The following RGPD4 variants were observed in gnomAD, a reference collection of about 807,000 sequenced individuals.
RGPD4 encodes the protein ranBP2-like and GRIP domain-containing protein 4.
In RGPD4, 84 loss-of-function variants were observed where a neutral mutation model predicts 141.1. That is an observed-to-expected ratio of 0.60 (90% confidence interval 0.50 to 0.71). RGPD4 has a LOEUF of 0.71. Ranked by LOEUF, RGPD4 falls within the 30% of genes least tolerant of loss-of-function variation. The pLI, the probability that RGPD4 is intolerant of heterozygous loss-of-function variation, is 0.00. For synonymous variants in RGPD4, 298 were observed against 566.8 expected (o/e 0.53, Z 6.74); for missense variants, 918 against 1,622.4 (o/e 0.57, Z 7.46).
intron 6 of RGPD4, among the ~76,000 whole-genome samples, chr2:107,845,862 C>A (rs1390864062): frequency 6.6e-6 from 1 of 151,552 alleles, no homozygotes; most frequent in African/African-American, 2.4e-5. Flanking sequence ...CCGCGCCCAG[C>A]CCACACCTGG....
intron 1 of RGPD4, among the ~76,000 whole-genome samples, chr2:107,833,951 G>C (rs1401696949): frequency 6.6e-6 from 1 of 151,710 alleles, no homozygotes; most frequent in Non-Finnish European, 1.5e-5. Flanking sequence ...AGGTTGCAGT[G>C]AGCTGAGATC....
intron 22 of RGPD4, chr2:107,883,170 G>A (rs1442220940): frequency 1.6e-6 from 1 of 612,260 alleles, no homozygotes; most frequent in African/African-American, 1.9e-5. Context: ...AGCTGAACGT[G>A]GTTTTGTTTT....
chr2:107,884,636 C>G (rs1395289156), intron 22 of RGPD4, among the ~76,000 whole-genome samples: 21 of 144,246 alleles, frequency 1.5e-4, no homozygotes, highest in South Asian at 4.7e-4. Context: ...TCTAAGACAT[C>G]AGGAGGCCCA....
intron 22 of RGPD4, among the ~76,000 whole-genome samples, chr2:107,889,129 A>G (rs1047722669): frequency 6.7e-6 from 1 of 150,352 alleles, no homozygotes; most frequent in Non-Finnish European, 1.5e-5. Context: ...ATATATACGT[A>G]TGAAAACACA....
chr2:107,862,044 C>T (rs1230085745), intron 15 of RGPD4, among the ~76,000 whole-genome samples: 1 of 87,722 alleles, frequency 1.1e-5, no homozygotes, highest in Non-Finnish European at 2.2e-5. Context: ...AATATTATAA[C>T]CTCAGGACTA....
At chr2:107,885,692 C>A (rs1295902834) in intron 22 of RGPD4, among the ~76,000 whole-genome samples, 2 of 152,032 alleles carry the variant, frequency 1.3e-5, no homozygotes, top group Non-Finnish European at 2.9e-5. Flanking sequence ...ATAAAAGAGA[C>A]CTTATTACAA....
At position 107,871,939 on chromosome 2, in the gene RGPD4, G is replaced by A. The variant is rs1240351885; in HGVS notation, c.3935G>A (p.Ser1312Asn). 6 of 1,611,536 alleles carry A rather than the reference G, an allele frequency of 3.7e-6. No homozygotes were observed. Among genetic ancestry groups the A allele is most frequent in the Non-Finnish European group, 5.1e-6 (6 of 1,179,832 alleles). ...PSKSPAKLNQSGTSVGTDEES... is the reference protein window; with the variant it reads ...PSKSPAKLNQNGTSVGTDEES... ...AAGTCTCCTGCCAAGTTGAATCAGA[G>A]TGGGACTTCAGTTGGCACTGATGAA... is the stretch of plus-strand genomic sequence containing the variant. Residue 1312 changes from serine (S) to asparagine (N), a missense_variant, in exon 20 of 23, where the codon AGT (serine) becomes AAT (asparagine). Coordinates refer to ENST00000408999, the MANE Select transcript of RGPD4 (RefSeq NM_182588.3).
At chr2:107,867,331 A>G (rs540135361) in intron 18 of RGPD4, among the ~76,000 whole-genome samples, 29 of 152,268 alleles carry the variant, frequency 1.9e-4, no homozygotes, top group Non-Finnish European at 2.4e-4. Flanking sequence ...TTAGATGAGC[A>G]CATTTGTGTG....
At chr2:107,876,471 A>G (rs149428239) in intron 20 of RGPD4, among the ~76,000 whole-genome samples, 6,645 of 151,738 alleles carry the variant, frequency 0.044, 638 homozygotes, top group African/African-American at 0.15. Context: ...CTTTTTAAAT[A>G]GAAACATTAG....
rs1675410044 is a variant in RGPD4 at position 107,883,026 on chromosome 2, A to G, written c.5266+153A>G. The G allele has an allele frequency of 2.6e-6, 3 of 1,162,708 alleles. No homozygotes were observed. In the East Asian group the frequency reaches 7.1e-5, roughly 28 times the overall value. The allele number at this position is 1,162,708 out of a possible 1,614,324, so 72.0% of individuals were successfully genotyped here. On this transcript the variant is annotated intron_variant, in intron 22 of 22. Transcript: ENST00000408999. ...GGCCGTGACTAGATTTGAAAAGCTG[A>G]CTTTTTAACATCTTGGGGCAACTGT...
chr2:107,829,983 C>G (rs1681419648), intron 1 of RGPD4, among the ~76,000 whole-genome samples: 1 of 152,010 alleles, frequency 6.6e-6, no homozygotes, highest in African/African-American at 2.4e-5. Context: ...GCGGCTGCGT[C>G]GAGTGACAAG....
chr2:107,851,192 G>A lies in RGPD4; in HGVS notation c.978+2656G>A, dbSNP rs542896257. ...CATGATCATAGCTCACTGCATCCTCGAACTCCTGGGCTCAGGTGATCCTCT... is the reference window on the plus strand; with the variant it reads ...CATGATCATAGCTCACTGCATCCTCAAACTCCTGGGCTCAGGTGATCCTCT... On this transcript the variant is annotated intron_variant, in intron 7 of 22. Transcript: ENST00000408999. 2.9e-5 allele frequency among the ~76,000 whole-genome samples: 2 copies of A among 70,072 alleles called. 1 individual carries two copies. The highest frequency in any genetic ancestry group is 4.8e-4 in the East Asian group (2 of 4,188). The allele number at this position is 70,072 out of a possible 152,430, so 46.0% of individuals were successfully genotyped here.
At chr2:107,873,772 AAT>A (rs1003799234) in intron 20 of RGPD4, among the ~76,000 whole-genome samples, 1 of 151,514 alleles carries the variant, frequency 6.6e-6, no homozygotes, top group African/African-American at 2.4e-5. Context: ...TGTTTCCTAA[AAT>A]GTTAAAAAAT....
At chr2:107,828,716 G>A (rs1342977489) in intron 1 of RGPD4, among the ~76,000 whole-genome samples, 22 of 28,048 alleles carry the variant, frequency 7.8e-4, no homozygotes, top group African/African-American at 3.9e-3. Context: ...CGACCTGGCC[G>A]GGCGGCGGCG....
In RGPD4 at chr2:107,827,034, C is replaced by G. The variant is rs771446417; in HGVS notation, c.21C>G (p.Tyr7Ter). 1.9e-6 allele frequency: 3 copies of G among 1,599,476 alleles called. No homozygotes were observed. The highest frequency in any genetic ancestry group is 1.1e-5 in the South Asian group (1 of 88,264). MSCSKAYGERYVASVQG... is the reference protein window; with the variant it reads MSCSKA ...GCGCGATGAGTTGCAGCAAGGCCTA[C>G]GGGGAGCGGTACGTCGCCTCCGTGC... The change falls in exon 1 of 23, where the codon TAC (tyrosine) becomes TAG (stop). Residue 7 changes from tyrosine (Y) to a stop codon, truncating the protein, a stop_gained. Coordinates refer to ENST00000408999, the MANE Select transcript of RGPD4 (RefSeq NM_182588.3). LOFTEE classifies it high-confidence loss of function.
At chr2:107,830,362 A>G (rs1681438715) in intron 1 of RGPD4, among the ~76,000 whole-genome samples, 1 of 142,836 alleles carries the variant, frequency 7.0e-6, no homozygotes, top group African/African-American at 2.6e-5. Context: ...AAAAAAAAGC[A>G]TGTTTAGAGC....
At chr2:107,828,299 C>T (rs1214908832) in intron 1 of RGPD4, among the ~76,000 whole-genome samples, 7 of 31,464 alleles carry the variant, frequency 2.2e-4, no homozygotes, top group African/African-American at 6.2e-4. Context: ...CTCCCTGGCG[C>T]GCTCTGTTGA....
At chr2:107,830,426 G>T (rs746656742) in intron 1 of RGPD4, among the ~76,000 whole-genome samples, 2 of 151,468 alleles carry the variant, frequency 1.3e-5, no homozygotes, top group Non-Finnish European at 2.9e-5. Flanking sequence ...AAAACCACTG[G>T]TCTAGACAGA....
intron 20 of RGPD4, among the ~76,000 whole-genome samples, chr2:107,873,555 G>C (rs551838449): frequency 7.4e-6 from 1 of 135,710 alleles, no homozygotes. Context: ...GCCTGACTGA[G>C]TGACTGAGAC....
Sources: allele counts gnomAD v4.1 joint callset (sites outside exome capture counted in the v4.1 genomes callset), GRCh38; gene constraint gnomAD v4.1.1; transcripts MANE v1.5; gene names NCBI Gene and HGNC (gene_info 2026-07-23, HGNC 2026-07-21).